Variants in ERC2 observed in about 807,000 individuals in gnomAD.
The protein encoded by ERC2 is ERC protein 2.
In ERC2, 42 loss-of-function variants were observed where a neutral mutation model predicts 114.8. The ratio of observed to expected loss-of-function variants is 0.37; its 90% CI spans 0.29 to 0.47. The LOEUF (loss-of-function observed/expected upper bound fraction) is 0.47, where lower values mean the gene tolerates loss of function less well. Among genes scored for constraint, ERC2 ranks in the 20% least tolerant of loss-of-function variants. ERC2 has a pLI of 0.99. For missense variants in ERC2, 939 were observed against 1,150.7 expected (o/e 0.82, Z 2.66); for synonymous variants, 454 against 425.5 (o/e 1.07, Z -0.82).
At position 55,888,488 on chromosome 3, in the gene ERC2, C is replaced by T. The variant is rs777810290; in HGVS notation, c.2465G>A (p.Arg822His). 4.3e-6 allele frequency: 7 copies of T among 1,613,862 alleles called. No individual in the cohort carries two copies. The South Asian group carries it at 5.5e-5, about 13-fold the overall frequency. Residue 822 changes from arginine (R) to histidine (H), a missense_variant, in exon 14 of 18, where the codon CGC becomes CAC. Coordinates refer to ENST00000288221, the MANE Select transcript of ERC2 (RefSeq NM_015576.3). ...CAGGGACTGTTGTGTGGAGGCGAGG[C>T]GTGCTTTGGTGGCATCCAGTTCCTG... is the stretch of plus-strand genomic sequence containing the variant. ...TRQELDATKA[R>H]LASTQQSLAE...
chr3:55,934,037 A>C (rs2066286703), intron 13 of ERC2, among the ~76,000 whole-genome samples: 1 of 152,202 alleles, frequency 6.6e-6, no homozygotes, highest in Admixed American at 6.5e-5. Context: ...ATGATGTTTC[A>C]TGGCAAGAAA....
intron 6 of ERC2, among the ~76,000 whole-genome samples, chr3:56,088,146 A>T (rs2077603181): frequency 6.6e-6 from 1 of 152,130 alleles, no homozygotes; most frequent in South Asian, 2.1e-4. Flanking sequence ...TAGAGGCTAC[A>T]CTTTCCAGAT....
rs909010374 is a variant in ERC2 at position 55,922,908 on chromosome 3, T to C, written c.2403+27517A>G. On this transcript the variant is annotated intron_variant, in intron 13 of 17. Transcript: ENST00000288221. ...AAGTATTGGTGAGGATGTGGGGGAA[T>C]TGGAGGCCTGTGCATTGCCGGTGAA... Among the ~76,000 whole-genome samples, 5 of 152,172 alleles carry C rather than the reference T, an allele frequency of 3.3e-5. No individual in the cohort carries two copies. The South Asian group carries it at 8.3e-4, about 25-fold the overall frequency.
At chr3:55,641,548 T>TAAAA (rs2060183914) in intron 17 of ERC2, among the ~76,000 whole-genome samples, 2 of 30,840 alleles carry the variant, frequency 6.5e-5, no homozygotes, top group South Asian at 3.1e-3. Flanking sequence ...AGATTCTATC[T>TAAAA]CAAAAAAAAA....
chr3:56,259,107 G>T (rs555812548), intron 3 of ERC2, among the ~76,000 whole-genome samples: 1 of 151,792 alleles, frequency 6.6e-6, no homozygotes, highest in South Asian at 2.1e-4. Context: ...CTGAGTAACG[G>T]GATTACAGGC....
intron 2 of ERC2, among the ~76,000 whole-genome samples, chr3:56,323,208 G>C (rs1445631515): frequency 6.6e-6 from 1 of 152,124 alleles, no homozygotes; most frequent in South Asian, 2.1e-4. Flanking sequence ...ACACTAAAAG[G>C]AGTAAGAAAG....
chr3:56,168,295 T>C (rs907521117), intron 4 of ERC2, among the ~76,000 whole-genome samples: 1 of 152,168 alleles, frequency 6.6e-6, no homozygotes, highest in Non-Finnish European at 1.5e-5. Context: ...TGGGTATTAC[T>C]GGGGGTGCAG....
At chr3:55,542,700 C>T (rs2054478594) in intron 17 of ERC2, among the ~76,000 whole-genome samples, 1 of 152,192 alleles carries the variant, frequency 6.6e-6, no homozygotes, top group South Asian at 2.1e-4. Flanking sequence ...CCTTTCTCCC[C>T]TTCTCATTGA....
At chr3:56,167,676 G>T (rs1048844309) in intron 4 of ERC2, among the ~76,000 whole-genome samples, 5 of 152,046 alleles carry the variant, frequency 3.3e-5, no homozygotes, top group African/African-American at 7.2e-5. Flanking sequence ...AGAAAAAAAA[G>T]TAAGCTAAAG....
intron 17 of ERC2, among the ~76,000 whole-genome samples, chr3:55,576,712 C>T (rs2107544237): frequency 6.6e-6 from 1 of 152,374 alleles, no homozygotes; most frequent in East Asian, 1.9e-4. Context: ...CACAGCCGTC[C>T]CCTGTATCTT....
intron 3 of ERC2, among the ~76,000 whole-genome samples, chr3:56,273,026 C>A (rs1235337108): frequency 1.3e-5 from 2 of 152,200 alleles, no homozygotes; most frequent in Non-Finnish European, 2.9e-5. Context: ...AGCTGATCTT[C>A]AACCAATCAC....
chr3:56,406,932 C>T (rs774025004), intron 2 of ERC2, among the ~76,000 whole-genome samples: 1 of 152,122 alleles, frequency 6.6e-6, no homozygotes, highest in Non-Finnish European at 1.5e-5. Context: ...ACACTAAGTT[C>T]AAAGTCAATG....
intron 2 of ERC2, among the ~76,000 whole-genome samples, chr3:56,303,691 G>A (rs1234139599): frequency 6.6e-6 from 1 of 152,224 alleles, no homozygotes; most frequent in Non-Finnish European, 1.5e-5. Flanking sequence ...GCCAATCTAA[G>A]CACTGAGCTT....
chr3:55,864,853 C>T (rs1233035723), intron 14 of ERC2, among the ~76,000 whole-genome samples: 1 of 152,038 alleles, frequency 6.6e-6, no homozygotes, highest in Non-Finnish European at 1.5e-5. Flanking sequence ...TCATTATAAC[C>T]ATCATCACAA....
At chr3:55,665,095 T>C (rs2061308076) in intron 17 of ERC2, among the ~76,000 whole-genome samples, 1 of 152,144 alleles carries the variant, frequency 6.6e-6, no homozygotes, top group Admixed American at 6.6e-5. Context: ...GGTGAAGGTG[T>C]AGAAGGTAGC....
chr3:55,711,541 G>A (rs815402), intron 15 of ERC2, among the ~76,000 whole-genome samples: 22,495 of 152,076 alleles, frequency 0.15, 2,020 homozygotes, highest in Non-Finnish European at 0.21. Flanking sequence ...CACTCTATGC[G>A]TATACTTTTG....
intron 2 of ERC2, among the ~76,000 whole-genome samples, chr3:56,425,891 G>C (rs867377802): frequency 2.2e-4 from 33 of 152,278 alleles, no homozygotes; most frequent in African/African-American, 7.7e-4. Context: ...CTAGAGGCAG[G>C]TCATTGCTGC....
intron 17 of ERC2, among the ~76,000 whole-genome samples, chr3:55,674,848 C>T (rs1290027829): frequency 6.6e-6 from 1 of 152,150 alleles, no homozygotes; most frequent in African/African-American, 2.4e-5. Flanking sequence ...CTTCAACCAC[C>T]CACACAAACC....
Position 56,164,071 on chromosome 3 carries a change from A to C in ERC2, c.1149+9375T>G, listed in dbSNP as rs2316480. Among the ~76,000 whole-genome samples the C allele has an allele frequency of 3.9e-5, 6 of 151,920 alleles. No homozygotes were observed. In the South Asian group the frequency reaches 1.2e-3, roughly 32 times the overall value. ...TAAGCCTTAAGTAAGCAAAGTTATTAATCATTTCCTTTATAATATTTTTCT... is the reference window on the plus strand; with the variant it reads ...TAAGCCTTAAGTAAGCAAAGTTATTCATCATTTCCTTTATAATATTTTTCT... On this transcript the variant is annotated intron_variant, in intron 4 of 17. Transcript: ENST00000288221.
Sources: gnomAD v4.1 joint callset for allele counts (sites outside exome capture counted in the v4.1 genomes callset) on GRCh38, gnomAD v4.1.1 for gene constraint, MANE v1.5 for transcripts, NCBI Gene and HGNC (gene_info 2026-07-23, HGNC 2026-07-21) for gene names.